The following KATNAL2 variants were observed in gnomAD, a reference collection of about 807,000 sequenced individuals.
KATNAL2 encodes the protein katanin catalytic subunit A1 like 2.
In KATNAL2, 52 loss-of-function variants were observed where a neutral mutation model predicts 76.3. The ratio of observed to expected loss-of-function variants is 0.68; its 90% CI spans 0.55 to 0.86. The LOEUF (loss-of-function observed/expected upper bound fraction) is 0.86. Among genes scored for constraint, KATNAL2 ranks in the 40% least tolerant of loss-of-function variants. The pLI is 0.00. For missense variants in KATNAL2, 660 were observed against 668.9 expected, an observed-to-expected ratio of 0.99 and a Z score of 0.15; for synonymous variants, 243 against 244.2, an observed-to-expected ratio of 1.00 and a Z score of 0.05.
chr18:47,101,958 C>T lies in KATNAL2; in HGVS notation c.*953C>T, dbSNP rs866082469. On this transcript the variant is annotated 3_prime_UTR_variant, in exon 18 of 18. Transcript: ENST00000683218. ...CTAAGTAATGCCACTTCTTTTCCCC[C>T]ACTAGAACTTACCTATGGGAAATCA... 1 of 152,158 alleles carries T rather than the reference C, an allele frequency of 6.6e-6. No homozygotes were observed. The highest frequency in any genetic ancestry group is 1.5e-5 in the Non-Finnish European group (1 of 68,032). 9.4% of individuals were successfully genotyped at this position (152,158 alleles called of 1,614,324 possible).
intron 15 of KATNAL2, among the ~76,000 whole-genome samples, chr18:47,096,980 T>C (rs1013285514): frequency 7.2e-5 from 11 of 151,794 alleles, no homozygotes; most frequent in African/African-American, 2.7e-4. Flanking sequence ...CAAAAAATAT[T>C]AGCCGGGCTC....
chr18:47,078,631 A>C (rs1038161572), intron 15 of KATNAL2, among the ~76,000 whole-genome samples: 1 of 152,218 alleles, frequency 6.6e-6, no homozygotes, highest in African/African-American at 2.4e-5. Context: ...CTAGGGAGGC[A>C]GAAAAACTGT....
chr18:47,067,612 T>C (rs768244697), intron 11 of KATNAL2, among the ~76,000 whole-genome samples: 1 of 152,196 alleles, frequency 6.6e-6, no homozygotes, highest in African/African-American at 2.4e-5. Context: ...GTTGTGCTCA[T>C]TACTTATTAC....
At chr18:47,072,066 T>C (rs749240597) in intron 13 of KATNAL2, among the ~76,000 whole-genome samples, 2 of 142,774 alleles carry the variant, frequency 1.4e-5, no homozygotes, top group Non-Finnish European at 3.0e-5. Context: ...TGTCAAGTGA[T>C]TCTCCTGCCT....
chr18:47,060,855 C>T (rs1305838737), intron 8 of KATNAL2, among the ~76,000 whole-genome samples: 1 of 152,228 alleles, frequency 6.6e-6, no homozygotes, highest in African/African-American at 2.4e-5. Flanking sequence ...AAAATGTCTC[C>T]TTGTTCACCT....
chr18:47,094,127 C>T (rs1469658579), intron 15 of KATNAL2, among the ~76,000 whole-genome samples: 1 of 152,156 alleles, frequency 6.6e-6, no homozygotes, highest in Non-Finnish European at 1.5e-5. Context: ...GCAGTTTGGT[C>T]TCTCTTGTTT....
chr18:47,043,152 G>A (rs2061021546), intron 3 of KATNAL2, among the ~76,000 whole-genome samples: 1 of 149,952 alleles, frequency 6.7e-6, no homozygotes, highest in Non-Finnish European at 1.5e-5. Context: ...GCGTGAACGC[G>A]GGAGGCGGAG....
At chr18:47,087,667 C>A (rs1351614257) in intron 15 of KATNAL2, among the ~76,000 whole-genome samples, 5 of 151,866 alleles carry the variant, frequency 3.3e-5, no homozygotes, top group African/African-American at 1.2e-4. Flanking sequence ...TACCCCTGAA[C>A]CTAAAATAAA....
chr18:46,943,357 T>A (rs921966874), intron 1 of KATNAL2, among the ~76,000 whole-genome samples: 3 of 152,158 alleles, frequency 2.0e-5, no homozygotes, highest in African/African-American at 7.2e-5. Context: ...GGTTAAGGCA[T>A]TCTAAGTCAC....
intron 1 of KATNAL2, chr18:46,920,249 A>G (rs2058461383): frequency 2.3e-6 from 1 of 429,004 alleles, no homozygotes; most frequent in Admixed American, 2.5e-5. Context: ...TATAAATCTG[A>G]TTAGTACTGA....
chr18:47,041,831 C>A (rs917221719), intron 3 of KATNAL2, among the ~76,000 whole-genome samples: 2 of 152,232 alleles, frequency 1.3e-5, no homozygotes, highest in Non-Finnish European at 2.9e-5. Context: ...TTGCATCCCA[C>A]CAGCAATCAG....
intron 14 of KATNAL2, 123 bp from the exon 15 acceptor site, chr18:47,077,228 G>A (rs1001564984): frequency 2.0e-5 from 13 of 661,200 alleles, no homozygotes; most frequent in South Asian, 6.0e-5. Context: ...TAGTATGAAC[G>A]GCTCCATTGG....
Position 46,946,487 on chromosome 18 carries a change from T to TATAG in KATNAL2, c.-77_-74dup, listed in dbSNP as rs2059383752. The TATAG allele has an allele frequency of 1.0e-6, 1 of 985,414 alleles. No individual in the cohort carries two copies. The highest frequency in any genetic ancestry group is 4.7e-5 in the South Asian group (1 of 21,286). The allele number at this position is 985,414 out of a possible 1,614,324, so 61.0% of individuals were successfully genotyped here. ...CGGGACGTCAAAATATAGTCTTGGG[T>TATAG]ATAGAAGCATTGGGTCGCAAAGACC... On this transcript the variant is annotated 5_prime_UTR_variant, in exon 2 of 18. Transcript: ENST00000683218.
chr18:47,056,897 GC>G (rs767294205), intron 6 of KATNAL2, among the ~76,000 whole-genome samples: 6 of 151,946 alleles, frequency 3.9e-5, no homozygotes, highest in Non-Finnish European at 7.4e-5. Flanking sequence ...ATATAAGTTT[GC>G]ATTTGTAAAA....
intron 15 of KATNAL2, among the ~76,000 whole-genome samples, chr18:47,085,594 G>A (rs2062734754): frequency 1.3e-5 from 2 of 151,992 alleles, no homozygotes; most frequent in Admixed American, 6.6e-5. Flanking sequence ...ACGACTCCAC[G>A]TGAACCCACC....
chr18:46,950,967 A>C (rs1272065895), intron 3 of KATNAL2, among the ~76,000 whole-genome samples: 1 of 152,140 alleles, frequency 6.6e-6, no homozygotes, highest in Non-Finnish European at 1.5e-5. Flanking sequence ...TACAGGCGTG[A>C]GCCACCGTGC....
At chr18:47,052,197 T>TA (rs1326079564) in intron 4 of KATNAL2, among the ~76,000 whole-genome samples, 2 of 152,212 alleles carry the variant, frequency 1.3e-5, no homozygotes, top group African/African-American at 4.8e-5. Context: ...TAAGGCCACT[T>TA]ATATTGGACA....
chr18:46,965,608 G>A (rs1386564223), intron 3 of KATNAL2, among the ~76,000 whole-genome samples: 5 of 60,806 alleles, frequency 8.2e-5, no homozygotes, highest in African/African-American at 3.4e-4. Flanking sequence ...CCCAACGGTG[G>A]CCATGACCTC....
intron 3 of KATNAL2, among the ~76,000 whole-genome samples, chr18:46,947,584 G>C (rs190012010): frequency 6.5e-4 from 99 of 151,998 alleles, no homozygotes; most frequent in African/African-American, 2.3e-3. Flanking sequence ...ACGTGGGGGC[G>C]GGGGGAAGGA....
Sources: gnomAD v4.1 joint callset for allele counts (sites outside exome capture counted in the v4.1 genomes callset) on GRCh38, gnomAD v4.1.1 for gene constraint, MANE v1.5 for transcripts, NCBI Gene and HGNC (gene_info 2026-07-23, HGNC 2026-07-21) for gene names.